The following APP variants were observed in gnomAD, a reference collection of about 807,000 sequenced individuals.
APP encodes the protein amyloid-beta precursor protein.
Under a neutral mutation model 101.4 loss-of-function variants are expected in APP, and 31 were observed. The observed-to-expected ratio is 0.31, with a 90% CI of 0.23 to 0.41. The LOEUF (loss-of-function observed/expected upper bound fraction) is 0.41, where lower values mean the gene tolerates loss of function less well. APP is among the 10% of genes least tolerant of loss of function. The pLI, the probability that APP is intolerant of heterozygous loss-of-function variation, is 1.00. For synonymous variants in APP, 366 were observed against 364.4 expected, an observed-to-expected ratio of 1.00 and a Z score of -0.05; for missense variants, 839 against 1,003.7, an observed-to-expected ratio of 0.84 and a Z score of 2.22.
intron 2 of APP, among the ~76,000 whole-genome samples, chr21:26,105,623 A>G (rs1262388648): frequency 6.6e-6 from 1 of 152,200 alleles, no homozygotes; most frequent in Non-Finnish European, 1.5e-5. Flanking sequence ...AAAGAAAAAC[A>G]CCAGAATAGC....
chr21:26,014,020 C>T (rs571557414), intron 6 of APP, among the ~76,000 whole-genome samples: 6 of 78 alleles, frequency 0.077, no homozygotes, highest in East Asian at 0.5. Flanking sequence ...TGCTACAACC[C>T]GGGCGAGAGT....
intron 13 of APP, chr21:25,934,848 A>G (rs891951199): frequency 6.6e-6 from 1 of 152,202 alleles, no homozygotes. Flanking sequence ...AAGTGCAGAG[A>G]TGTTTTCCCT....
At chr21:25,977,129 C>A (rs1601091375) in intron 9 of APP, among the ~76,000 whole-genome samples, 1 of 152,200 alleles carries the variant, frequency 6.6e-6, no homozygotes, top group Non-Finnish European at 1.5e-5. Context: ...GAAATCAATG[C>A]TTCCTGCTCT....
intron 5 of APP, among the ~76,000 whole-genome samples, chr21:26,040,564 T>C (rs1045580180): frequency 6.7e-6 from 1 of 148,986 alleles, no homozygotes; most frequent in Non-Finnish European, 1.5e-5. Flanking sequence ...ATCACACCAC[T>C]GCACTCCAGC....
rs1303178005 is a variant in APP, at chr21:25,891,846, C to T, written c.2087G>A (p.Gly696Asp). 3.7e-6 allele frequency: 6 copies of T among 1,613,936 alleles called. No individual in the cohort carries two copies. Among genetic ancestry groups the T allele is most frequent in the Non-Finnish European group, 5.1e-6 (6 of 1,179,942 alleles). ...TCCAATGATTGCACCTTTGTTTGAA[C>T]CCACATCTTCTGCAAAGAACACCTT... Reference protein sequence around the residue: ...QKLVFFAEDVGSNKGAIIGLM... With the variant: ...QKLVFFAEDVDSNKGAIIGLM... The change falls in exon 17 of 18, where the codon GGT becomes GAT. Residue 696 changes from glycine (G) to aspartate (D), a missense_variant. By Grantham distance (94) the Gly-to-Asp change is moderately conservative. Transcript: ENST00000346798.
chr21:26,008,919 T>C (rs2043656674), intron 6 of APP, among the ~76,000 whole-genome samples: 1 of 152,174 alleles, frequency 6.6e-6, no homozygotes, highest in South Asian at 2.1e-4. Context: ...ATCTGCACCA[T>C]ATGGAAGGCA....
intron 13 of APP, among the ~76,000 whole-genome samples, chr21:25,947,485 C>T (rs898346859): frequency 2.6e-5 from 4 of 152,142 alleles, no homozygotes; most frequent in African/African-American, 9.7e-5. Flanking sequence ...TAATAGTATA[C>T]CGTACTTTGC....
intron 1 of APP, among the ~76,000 whole-genome samples, chr21:26,119,592 A>G (rs1172504336): frequency 6.6e-6 from 1 of 152,236 alleles, no homozygotes; most frequent in Non-Finnish European, 1.5e-5. Context: ...TAGTTTTTCA[A>G]CAGTTGACAT....
chr21:25,917,152 T>A (rs2039391735), intron 13 of APP, among the ~76,000 whole-genome samples: 1 of 151,866 alleles, frequency 6.6e-6, no homozygotes, highest in Non-Finnish European at 1.5e-5. Flanking sequence ...TCCCACCTAC[T>A]TGGGAGGCTA....
At chr21:25,938,232 C>T (rs1335598211) in intron 13 of APP, among the ~76,000 whole-genome samples, 2 of 152,184 alleles carry the variant, frequency 1.3e-5, no homozygotes, top group African/African-American at 4.8e-5. Context: ...ATCTGAACTT[C>T]TTGAGGTTAA....
intron 5 of APP, among the ~76,000 whole-genome samples, chr21:26,049,140 G>C (rs557914018): frequency 6.6e-6 from 1 of 152,252 alleles, no homozygotes; most frequent in Admixed American, 6.5e-5. Context: ...GTAACACATG[G>C]GAAAGAATTA....
At chr21:25,925,585 G>A (rs1013650805) in intron 13 of APP, among the ~76,000 whole-genome samples, 16 of 152,062 alleles carry the variant, frequency 1.1e-4, no homozygotes, top group African/African-American at 3.1e-4. Flanking sequence ...CCACAGCCAC[G>A]AGCTGTACCA....
chr21:25,956,165 T>C (rs1036767465), intron 11 of APP, among the ~76,000 whole-genome samples: 1 of 152,210 alleles, frequency 6.6e-6, no homozygotes, highest in African/African-American at 2.4e-5. Flanking sequence ...GTCACACAGA[T>C]AATCCCATCA....
At position 25,880,727 on chromosome 21, in the gene APP, C is replaced by G. The variant is rs1568995689; in HGVS notation, c.*943G>C. On this transcript the variant is annotated 3_prime_UTR_variant, in exon 18 of 18. Transcript: ENST00000346798. Reference sequence around the variant, plus strand: ...TCAGACTGGTTAAAGAAAATTGAATCTGCCTCTTCTCCCCACCCAAAATTA... The same window carrying G: ...TCAGACTGGTTAAAGAAAATTGAATGTGCCTCTTCTCCCCACCCAAAATTA... 1 of 152,212 alleles carries G rather than the reference C, an allele frequency of 6.6e-6. No individual in the cohort carries two copies. The highest frequency in any genetic ancestry group is 1.5e-5 in the Non-Finnish European group (1 of 68,036). The allele number at this position is 152,212 out of a possible 1,614,324, so 9.4% of individuals were successfully genotyped here.
chr21:25,989,810 T>A (rs978134425), intron 8 of APP, among the ~76,000 whole-genome samples: 2 of 152,186 alleles, frequency 1.3e-5, no homozygotes, highest in Non-Finnish European at 2.9e-5. Flanking sequence ...GGAGGATCAT[T>A]TATATATGAG....
intron 11 of APP, among the ~76,000 whole-genome samples, chr21:25,962,150 T>C (rs1300811007): frequency 6.6e-6 from 1 of 152,236 alleles, no homozygotes; most frequent in Non-Finnish European, 1.5e-5. Flanking sequence ...CTCATAATTA[T>C]GTGCTGTCTG....
chr21:26,020,145 T>C (rs2044274589), intron 6 of APP, among the ~76,000 whole-genome samples: 1 of 152,124 alleles, frequency 6.6e-6, no homozygotes, highest in Non-Finnish European at 1.5e-5. Context: ...ATGTAGAACC[T>C]CAAAAATACT....
At chr21:25,891,072 C>T (rs565725703) in intron 17 of APP, among the ~76,000 whole-genome samples, 6 of 152,160 alleles carry the variant, frequency 3.9e-5, no homozygotes, top group Admixed American at 6.5e-5. Context: ...ATAACTTATT[C>T]GTAAATTTTC....
chr21:25,899,661 T>C (rs1196182472), intron 15 of APP, among the ~76,000 whole-genome samples: 1 of 152,152 alleles, frequency 6.6e-6, no homozygotes, highest in African/African-American at 2.4e-5. Context: ...TCAGGCAGTG[T>C]CTTAACTGCA....
Sources: allele counts gnomAD v4.1 joint callset (sites outside exome capture counted in the v4.1 genomes callset), GRCh38; gene constraint gnomAD v4.1.1; transcripts MANE v1.5; gene names NCBI Gene and HGNC (gene_info 2026-07-23, HGNC 2026-07-21).